The following ACTR3C variants were observed in gnomAD, a reference collection of about 807,000 sequenced individuals.
The protein encoded by ACTR3C is actin related protein 3C, also known as actin-related protein 3C.
A neutral mutation model predicts 26.3 loss-of-function variants in ACTR3C; 18 were observed. The ratio of observed to expected loss-of-function variants is 0.68; its 90% CI spans 0.47 to 1.01. The LOEUF (loss-of-function observed/expected upper bound fraction) is 1.01, where lower values mean the gene tolerates loss of function less well. Among genes scored for constraint, ACTR3C ranks in the 50% least tolerant of loss-of-function variants. ACTR3C has a pLI of 0.00. For missense variants in ACTR3C, 184 were observed against 250.7 expected, an observed-to-expected ratio of 0.73 and a Z score of 1.80; for synonymous variants, 55 against 94.5, an observed-to-expected ratio of 0.58 and a Z score of 2.42.
chr7:149,957,260 C>T, the ACTR3C span, among the ~76,000 whole-genome samples: 1 of 152,046 alleles, frequency 6.6e-6, no homozygotes, highest in African/African-American at 2.4e-5. Context: ...GTGCCCTCCG[C>T]ACAGGAAGCA....
chr7:149,919,286 G>A, the ACTR3C span, among the ~76,000 whole-genome samples: 1 of 151,196 alleles, frequency 6.6e-6, no homozygotes, highest in Non-Finnish European at 1.5e-5. Flanking sequence ...TGTTGCCCAG[G>A]CTGGAGTGCA....
rs202002267 is a variant in ACTR3C, at chr7:150,289,526, A to T, written c.221T>A (p.Phe74Tyr). 3,004 of 1,605,182 alleles carry T rather than the reference A, an allele frequency of 1.9e-3. 12 individuals are homozygous for T. The highest frequency in any genetic ancestry group is 2.3e-3 in the Non-Finnish European group (2,687 of 1,175,208). Residue 74 changes from phenylalanine to tyrosine, a missense_variant, in exon 4 of 8, where the codon TTC becomes TAC. Physicochemically the swap from Phe to Tyr is conservative, Grantham distance 22 (BLOSUM62 3). Transcript: ENST00000683684. ...IPIAGRDITY[F>Y]IQQLLREREV... is the part of the protein sequence containing the mutation. ...CCTCTCCCTTAGCAGCTGTTGAATG[A>T]AATACGTAATATCTCTACCTGCAAT...
chr7:150,210,468 G>A, the ACTR3C span, among the ~76,000 whole-genome samples: 1 of 148,500 alleles, frequency 6.7e-6, no homozygotes, highest in Admixed American at 6.6e-5. Context: ...AAAATTTGAA[G>A]TAACACAGAT....
intron 1 of ACTR3C, among the ~76,000 whole-genome samples, chr7:150,301,339 T>C (rs181819307): frequency 7.3e-4 from 111 of 152,316 alleles, no homozygotes; most frequent in African/African-American, 2.6e-3. Context: ...AGATGCCTAT[T>C]TAACCTGAAG....
chr7:150,224,135 C>T, the ACTR3C span, among the ~76,000 whole-genome samples: 2 of 152,292 alleles, frequency 1.3e-5, no homozygotes, highest in East Asian at 1.9e-4. Flanking sequence ...CAGTTCACCA[C>T]TTATGCTTTA....
the ACTR3C span, among the ~76,000 whole-genome samples, chr7:150,198,658 G>C: frequency 3.4e-5 from 5 of 146,812 alleles, no homozygotes; most frequent in African/African-American, 1.3e-4. Context: ...CAGCTGCCCC[G>C]TCTGAGAAGT....
chr7:149,937,176 AC>A, the ACTR3C span, among the ~76,000 whole-genome samples: 1 of 79,766 alleles, frequency 1.3e-5, no homozygotes, highest in Non-Finnish European at 2.6e-5. Flanking sequence ...GTAGAGAAGG[AC>A]CCTGTATTTG....
chr7:149,954,865 G>C, the ACTR3C span, among the ~76,000 whole-genome samples: 4 of 152,160 alleles, frequency 2.6e-5, no homozygotes, highest in African/African-American at 4.8e-5. Context: ...ACTTTAGCTA[G>C]AATCCTTCAA....
chr7:149,896,054 A>AAAAC, the ACTR3C span, among the ~76,000 whole-genome samples: 7 of 137,090 alleles, frequency 5.1e-5, no homozygotes, highest in African/African-American at 1.9e-4. Flanking sequence ...AAAAAAAAAA[A>AAAAC]AACACAAAAA....
intron 6 of ACTR3C, among the ~76,000 whole-genome samples, chr7:150,268,523 C>CA (rs1435203379): frequency 1.6e-4 from 16 of 101,738 alleles, no homozygotes; most frequent in Admixed American, 2.0e-4. Flanking sequence ...TCCCCACTGG[C>CA]AAATGTCCTC....
chr7:150,064,662 A>T, the ACTR3C span, among the ~76,000 whole-genome samples: 1 of 151,620 alleles, frequency 6.6e-6, no homozygotes, highest in East Asian at 1.9e-4. Context: ...ACACACACAC[A>T]CACACACACA....
chr7:149,885,116 C>T, the ACTR3C span, among the ~76,000 whole-genome samples: 1 of 152,146 alleles, frequency 6.6e-6, no homozygotes, highest in Non-Finnish European at 1.5e-5. Context: ...GAACCCCTCT[C>T]CCTGCTCCTG....
chr7:150,249,057 GA>G lies in ACTR3C; in HGVS notation c.565-4del. 3.0e-6 allele frequency: 2 copies of G among 668,326 alleles called. No homozygotes were observed. Among genetic ancestry groups the G allele is most frequent in the Non-Finnish European group, 5.4e-6 (2 of 370,366 alleles). 41.4% of individuals were successfully genotyped at this position (668,326 alleles called of 1,614,324 possible). On this transcript the variant is annotated splice_polypyrimidine_tract_variant and splice_region_variant and intron_variant, in intron 6 of 7. Coordinates refer to ENST00000683684, the MANE Select transcript of ACTR3C (RefSeq NM_001164458.2). ...TAGCTCAGTGGAATTTGTTCCATCT[GA>G]AAAACAGAGAAAACAGTTATAGGGC...
rs534260416 is a variant in ACTR3C, at chr7:150,248,678, T to C, written c.*38+270A>G. On this transcript the variant is annotated intron_variant, in intron 7 of 7. Transcript: ENST00000683684. ...CCGTCTCAAAAAAAAAAAAAGTAAA[T>C]AGGATTCACAATCTTATCAAAATGT... The C allele has an allele frequency of 1.2e-4, 23 of 191,260 alleles. No individual in the cohort carries two copies. In the East Asian group the frequency reaches 2.4e-3, roughly 20 times the overall value. The allele number at this position is 191,260 out of a possible 1,614,324, so 11.8% of individuals were successfully genotyped here.
chr7:150,076,769 A>G, the ACTR3C span: 1 of 126,888 alleles, frequency 7.9e-6, no homozygotes, highest in African/African-American at 2.6e-5. Context: ...ACAGAGACAG[A>G]TACATCTTTC....
At chr7:150,094,941 C>T in the ACTR3C span, among the ~76,000 whole-genome samples, 1 of 148,762 alleles carries the variant, frequency 6.7e-6, no homozygotes, top group South Asian at 2.1e-4. Context: ...GGTCACACCT[C>T]CCTGCTCCAG....
At chr7:150,192,577 T>C in the ACTR3C span, among the ~76,000 whole-genome samples, 1 of 152,208 alleles carries the variant, frequency 6.6e-6, no homozygotes, top group African/African-American at 2.4e-5. Flanking sequence ...GTCAGGATTA[T>C]AGGCATGAGC....
chr7:150,194,028 G>C, the ACTR3C span, among the ~76,000 whole-genome samples: 1 of 141,946 alleles, frequency 7.0e-6, no homozygotes, highest in Non-Finnish European at 1.5e-5. Flanking sequence ...ACACACGAAA[G>C]AAAAGAGTTT....
the ACTR3C span, among the ~76,000 whole-genome samples, chr7:150,157,838 A>G: frequency 1.3e-5 from 2 of 152,034 alleles, no homozygotes; most frequent in Admixed American, 1.3e-4. Flanking sequence ...GCATCTGTCC[A>G]TGCTAGGCAC....
Sources: allele counts gnomAD v4.1 joint callset (sites outside exome capture counted in the v4.1 genomes callset), GRCh38; gene constraint gnomAD v4.1.1; transcripts MANE v1.5; gene names NCBI Gene and HGNC (gene_info 2026-07-23, HGNC 2026-07-21).